The following OTUD7A variants were observed in gnomAD, a reference collection of about 807,000 sequenced individuals.
OTUD7A encodes the protein OTU deubiquitinase 7A, also known as OTU domain-containing protein 7A.
In OTUD7A, 12 loss-of-function variants were observed where a neutral mutation model predicts 65.7. The observed-to-expected ratio is 0.18, with a 90% CI of 0.12 to 0.30. The LOEUF (loss-of-function observed/expected upper bound fraction) is 0.30, where lower values mean the gene tolerates loss of function less well. OTUD7A is among the 10% of genes least tolerant of loss of function. The pLI is 1.00. For missense variants in OTUD7A, 1,148 were observed against 1,304.8 expected (o/e 0.88, Z 1.85); for synonymous variants, 641 against 586.3 (o/e 1.09, Z -1.35).
intron 1 of OTUD7A, among the ~76,000 whole-genome samples, chr15:31,850,284 A>G (rs553059554): frequency 6.6e-6 from 1 of 152,304 alleles, no homozygotes; most frequent in African/African-American, 2.4e-5. Context: ...GCTGGAAACC[A>G]TCATTCTGAG....
At chr15:31,518,715 TTTCTGAGAG>T (rs2041897280) in intron 8 of OTUD7A, among the ~76,000 whole-genome samples, 1 of 152,198 alleles carries the variant, frequency 6.6e-6, no homozygotes. Context: ...ATGGGCAGCA[TTTCTGAGAG>T]GTGTGCCTCA....
chr15:31,580,987 G>A (rs181673723), intron 3 of OTUD7A, among the ~76,000 whole-genome samples: 5 of 152,118 alleles, frequency 3.3e-5, no homozygotes, highest in Admixed American at 6.5e-5. Flanking sequence ...CCAAAGTCTC[G>A]AGGCAAGGCA....
intron 1 of OTUD7A, among the ~76,000 whole-genome samples, chr15:31,726,189 T>C (rs1273208419): frequency 2.6e-5 from 4 of 152,120 alleles, no homozygotes; most frequent in Non-Finnish European, 5.9e-5. Context: ...GCCTTAAATA[T>C]TTAAGCACCA....
intron 3 of OTUD7A, among the ~76,000 whole-genome samples, chr15:31,634,829 A>G (rs1891290940): frequency 6.6e-6 from 1 of 152,198 alleles, no homozygotes; most frequent in East Asian, 1.9e-4. Context: ...GAAGGTTTCT[A>G]TCGGGCTCTG....
chr15:31,763,132 A>AT (rs1375801225), intron 1 of OTUD7A, among the ~76,000 whole-genome samples: 1 of 152,160 alleles, frequency 6.6e-6, no homozygotes, highest in Non-Finnish European at 1.5e-5. Flanking sequence ...AAAGTACAAG[A>AT]ATCAACTGGG....
At chr15:31,714,531 T>C (rs1447866721) in intron 1 of OTUD7A, among the ~76,000 whole-genome samples, 3 of 152,310 alleles carry the variant, frequency 2.0e-5, no homozygotes, top group African/African-American at 7.2e-5. Context: ...CATTTTTTTA[T>C]AATTCATGAA....
At chr15:31,726,889 C>G (rs1356409423) in intron 1 of OTUD7A, among the ~76,000 whole-genome samples, 1 of 152,208 alleles carries the variant, frequency 6.6e-6, no homozygotes, top group African/African-American at 2.4e-5. Context: ...TGGAAAACAG[C>G]AAAAATAGTA....
At chr15:31,485,450 TC>T (rs1183614675) in intron 12 of OTUD7A, among the ~76,000 whole-genome samples, 1 of 152,102 alleles carries the variant, frequency 6.6e-6, no homozygotes, top group Admixed American at 6.5e-5. Flanking sequence ...AAAAAGATGT[TC>T]CCATTCCCAG....
intron 3 of OTUD7A, among the ~76,000 whole-genome samples, chr15:31,598,170 C>T (rs150104654): frequency 2.6e-5 from 4 of 152,280 alleles, no homozygotes; most frequent in African/African-American, 9.6e-5. Context: ...CATGTGGGCA[C>T]GCCCTAAGAT....
chr15:31,693,047 T>C (rs577637660), intron 1 of OTUD7A, among the ~76,000 whole-genome samples: 156 of 152,152 alleles, frequency 1.0e-3, no homozygotes, highest in Non-Finnish European at 1.6e-3. Flanking sequence ...CACACAGTGA[T>C]CACTCGGTCT....
intron 3 of OTUD7A, among the ~76,000 whole-genome samples, chr15:31,603,954 G>A (rs1308563081): frequency 6.6e-6 from 1 of 152,212 alleles, no homozygotes; most frequent in Non-Finnish European, 1.5e-5. Context: ...ACAGATGCTG[G>A]AGAGGATGTG....
At chr15:31,602,939 G>A (rs922097502) in intron 3 of OTUD7A, among the ~76,000 whole-genome samples, 1 of 152,108 alleles carries the variant, frequency 6.6e-6, no homozygotes, top group African/African-American at 2.4e-5. Context: ...AAGGTAATAA[G>A]AGAGGACACA....
At chr15:31,622,722 G>A (rs1422180056) in intron 3 of OTUD7A, among the ~76,000 whole-genome samples, 3 of 152,110 alleles carry the variant, frequency 2.0e-5, no homozygotes, top group South Asian at 2.1e-4. Flanking sequence ...TCCTCCTTTA[G>A]CTCAGAAAAG....
At chr15:31,718,893 A>G (rs1036763042) in intron 1 of OTUD7A, among the ~76,000 whole-genome samples, 13 of 51,770 alleles carry the variant, frequency 2.5e-4, no homozygotes, top group Non-Finnish European at 5.0e-4. Context: ...TGTATGCTGA[A>G]TAAGTGATTA....
intron 1 of OTUD7A, among the ~76,000 whole-genome samples, chr15:31,812,643 G>A (rs745840502): frequency 1.3e-5 from 2 of 152,148 alleles, no homozygotes; most frequent in Non-Finnish European, 2.9e-5. Context: ...TGGCTGCAAT[G>A]AAATGCATTC....
intron 5 of OTUD7A, among the ~76,000 whole-genome samples, chr15:31,538,747 T>C (rs1330631108): frequency 1.3e-5 from 2 of 152,088 alleles, no homozygotes; most frequent in African/African-American, 4.8e-5. Context: ...CAAAACCAAA[T>C]GAATGTCACC....
intron 10 of OTUD7A, among the ~76,000 whole-genome samples, chr15:31,492,582 C>CAA (rs60414638): frequency 2.5e-5 from 3 of 121,644 alleles, no homozygotes; most frequent in Admixed American, 8.4e-5. Context: ...GACTCTGTCT[C>CAA]AAAAAAAAAA....
chr15:31,487,490 C>G lies in OTUD7A; in HGVS notation c.1248G>C (p.Glu416Asp). ...CGTTATCGTTGTCGTCTTTCCCCCA[C>G]TCCCAGTCCTTGCCAGGGTCCACTG... ...HFAVDPGKDW[E>D]WGKDDNDNAR... Residue 416 changes from glutamate (E) to aspartate (D), a missense_variant, in exon 11 of 13, where the codon GAG (glutamate) becomes GAC (aspartate). Physicochemically the swap from Glu to Asp is conservative, Grantham distance 45. Coordinates refer to ENST00000307050, the MANE Select transcript of OTUD7A (RefSeq NM_001382637.1). This position sits in a 1 kb window ranked among gnomAD's most constrained non-coding sequence, Gnocchi z 6.0. 6.2e-7 allele frequency: 1 copy of G among 1,614,114 alleles called. No individual in the cohort carries two copies. Among genetic ancestry groups the G allele is most frequent in the East Asian group, 2.2e-5 (1 of 44,876 alleles).
rs145680542 is a variant in OTUD7A at position 31,625,355 on chromosome 15, C to T, written c.151+29741G>A. Among the ~76,000 whole-genome samples the T allele has an allele frequency of 2.4e-4, 36 of 150,906 alleles. 1 individual carries two copies. The East Asian group carries it at 5.6e-3, about 24-fold the overall frequency. Reference sequence around the variant, plus strand: ...TAAATTTTGGGATGATTTTTGTATGCGGCAATAGATGACTAGTACACCACA... The same window carrying T: ...TAAATTTTGGGATGATTTTTGTATGTGGCAATAGATGACTAGTACACCACA... On this transcript the variant is annotated intron_variant, in intron 3 of 12. Transcript: ENST00000307050.
Sources: gnomAD v4.1 joint callset for allele counts (sites outside exome capture counted in the v4.1 genomes callset) on GRCh38, gnomAD v4.1.1 for gene constraint, Gnocchi (gnomAD v3.1) non-coding constraint, MANE v1.5 for transcripts, NCBI Gene and HGNC (gene_info 2026-07-23, HGNC 2026-07-21) for gene names.